ZNF621: variants seen among roughly 807,000 people sequenced by gnomAD.
The protein encoded by ZNF621 is zinc finger protein 621.
ZNF621 carries 6 observed loss-of-function variants against 12.7 expected under a neutral mutation model. The ratio of observed to expected loss-of-function variants is 0.47; its 90% CI spans 0.26 to 0.93. ZNF621 has a LOEUF of 0.93. ZNF621 is among the 40% of genes least tolerant of loss of function. ZNF621 has a pLI of 0.15. For missense variants in ZNF621, 474 were observed against 524.0 expected (o/e 0.90, Z 0.93); for synonymous variants, 156 against 190.3 (o/e 0.82, Z 1.48).
intron 2 of ZNF621, among the ~76,000 whole-genome samples, chr3:40,528,408 G>A (rs535462345): frequency 1.1e-4 from 17 of 152,134 alleles, no homozygotes; most frequent in Admixed American, 3.3e-4. Context: ...AGGACATCTC[G>A]GTTGCTTCCA....
At chr3:40,529,603 T>G (rs1559557521) in intron 3 of ZNF621, 158 bp downstream of exon 3, 1 of 1,520,312 alleles carries the variant, frequency 6.6e-7, no homozygotes, top group South Asian at 1.2e-5. Context: ...TCTCTTTGTT[T>G]TTTGTTTGTT....
At chr3:40,531,534 T>C (rs1397361888) in intron 4 of ZNF621, among the ~76,000 whole-genome samples, 1 of 152,176 alleles carries the variant, frequency 6.6e-6, no homozygotes, top group Non-Finnish European at 1.5e-5. Context: ...GTTCCATTTC[T>C]GTGTCTTTAC....
In ZNF621 at chr3:40,534,043, G is replaced by A. The variant is rs767565102; in HGVS notation, c.*953G>A. On this transcript the variant is annotated 3_prime_UTR_variant, in exon 5 of 5. Coordinates refer to ENST00000339296, the MANE Select transcript of ZNF621 (RefSeq NM_198484.5). ...AGATGTTTCTTTTAACTTTTATTTC[G>A]TAAGTAAATATACACAAAGGCATTC... 1 of 151,476 alleles carries A rather than the reference G, an allele frequency of 6.6e-6. No homozygotes were observed. Among genetic ancestry groups the A allele is most frequent in the Admixed American group, 6.6e-5 (1 of 15,150 alleles). The allele number at this position is 151,476 out of a possible 1,614,324, so 9.4% of individuals were successfully genotyped here.
At position 40,536,763 on chromosome 3, in the gene ZNF621, T is replaced by C. The variant is rs1159128535; in HGVS notation, c.*3673T>C. On this transcript the variant is annotated 3_prime_UTR_variant, in exon 5 of 5. Coordinates refer to ENST00000339296, the MANE Select transcript of ZNF621 (RefSeq NM_198484.5). Reference sequence around the variant, plus strand: ...TGCGGATATTGCATTTTTTACAAACTGAAGGTTTGTGGCAGGCCTGTGTTG... The same window carrying C: ...TGCGGATATTGCATTTTTTACAAACCGAAGGTTTGTGGCAGGCCTGTGTTG... 3 of 152,256 alleles carry C rather than the reference T, an allele frequency of 2.0e-5. No homozygotes were observed. Among genetic ancestry groups the C allele is most frequent in the Non-Finnish European group, 4.4e-5 (3 of 68,048 alleles). The allele number at this position is 152,256 out of a possible 1,614,324, so 9.4% of individuals were successfully genotyped here. A position where few individuals can be genotyped will look rare whatever the true frequency, so the allele number is the denominator to read the frequency against.
At chr3:40,524,595 G>A (rs1054882612), upstream of ZNF621, among the ~76,000 whole-genome samples, 5 of 152,216 alleles carry the variant, frequency 3.3e-5, no homozygotes. Flanking sequence ...CAAAGCAGGC[G>A]CCATTCTCCC....
At chr3:40,531,708 G>A (rs1698729463) in intron 4 of ZNF621, among the ~76,000 whole-genome samples, 1 of 152,026 alleles carries the variant, frequency 6.6e-6, no homozygotes, top group Admixed American at 6.6e-5. Context: ...GACCACAGGG[G>A]TGCGCCACCA....
At position 40,532,605 on chromosome 3, in the gene ZNF621, A is replaced by C. The variant is rs373080077; in HGVS notation, c.835A>C (p.Ile279Leu). Residue 279 changes from isoleucine to leucine, a missense_variant, in exon 5 of 5, where the codon ATT becomes CTT. Ile to Leu is a conservative substitution (Grantham distance 5). Transcript: ENST00000339296. The part of the protein sequence containing the change: ...WKAFGCRSLF[I>L]VHQRIHTGEK... ...AGCTTTCGGTTGTAGGTCACTTTTT[A>C]TTGTCCATCAGAGAATTCATACTGG... 1.3e-5 allele frequency: 21 copies of C among 1,613,978 alleles called. No individual in the cohort carries two copies. The African/African-American group carries it at 2.4e-4, about 18-fold the overall frequency.
chr3:40,539,615 T>C lies in ZNF621; in HGVS notation c.*6525T>C, dbSNP rs1246282419. On this transcript the variant is annotated 3_prime_UTR_variant, in exon 5 of 5. Transcript: ENST00000339296. ...GCAAACCTGCAATATCTCCAAGATA[T>C]GCCTGTATTTTTCAAAATGTGGTCT... 3.3e-5 allele frequency: 5 copies of C among 152,212 alleles called. No homozygotes were observed. The highest frequency in any genetic ancestry group is 7.3e-5 in the Non-Finnish European group (5 of 68,036). 9.4% of individuals were successfully genotyped at this position (152,212 alleles called of 1,614,324 possible). A position where few individuals can be genotyped will look rare whatever the true frequency, so the allele number is the denominator to read the frequency against.
chr3:40,524,466 G>A (rs1199358984), upstream of ZNF621, among the ~76,000 whole-genome samples: 3 of 152,194 alleles, frequency 2.0e-5, no homozygotes, highest in Non-Finnish European at 4.4e-5. Flanking sequence ...AAGGTTCTAC[G>A]CACATCTAGG....
Position 40,536,682 on chromosome 3 carries a change from A to G in ZNF621, c.*3592A>G, listed in dbSNP as rs1301115268. 6.6e-6 allele frequency: 1 copy of G among 152,174 alleles called. No individual in the cohort carries two copies. The highest frequency in any genetic ancestry group is 1.5e-5 in the Non-Finnish European group (1 of 68,038). 9.4% of individuals were successfully genotyped at this position (152,174 alleles called of 1,614,324 possible). Reference sequence around the variant, plus strand: ...TTTGTTTCTAAAATATAATGAATTAATGATTATCAAAGTACAGGCATACCT... The same window carrying G: ...TTTGTTTCTAAAATATAATGAATTAGTGATTATCAAAGTACAGGCATACCT... On this transcript the variant is annotated 3_prime_UTR_variant, in exon 5 of 5. Transcript: ENST00000339296.
At chr3:40,531,689 A>C (rs1020597591) in intron 4 of ZNF621, among the ~76,000 whole-genome samples, 1 of 152,068 alleles carries the variant, frequency 6.6e-6, no homozygotes. Context: ...CAGCCTCCCT[A>C]GTAGCTAGGA....
intron 4 of ZNF621, 36 bp downstream of exon 4, chr3:40,530,352 T>G: frequency 6.4e-7 from 1 of 1,567,444 alleles, no homozygotes; most frequent in Non-Finnish European, 8.8e-7. Flanking sequence ...GTTTCTTGTT[T>G]TGCCTTCCTG....
rs766337947 is a variant in ZNF621 at position 40,529,304 on chromosome 3, A to G, written c.25-15A>G. ...ACTTCTCACTCAGAGATTGAGCAGG[A>G]ACCTGTTGTTTCAGGAGTCAGTGAC... On this transcript the variant is annotated splice_polypyrimidine_tract_variant and intron_variant, in intron 2 of 4. Coordinates refer to ENST00000339296, the MANE Select transcript of ZNF621 (RefSeq NM_198484.5). 6.2e-7 allele frequency: 1 copy of G among 1,612,034 alleles called. No homozygotes were observed. Among genetic ancestry groups the G allele is most frequent in the Non-Finnish European group, 8.5e-7 (1 of 1,178,658 alleles).
At position 40,532,982 on chromosome 3, in the gene ZNF621, A is replaced by G. The variant is rs1196772302; in HGVS notation, c.1212A>G (p.Thr404=). The change falls in exon 5 of 5, where the codon ACA becomes ACG. Residue 404 remains threonine (T), a synonymous_variant. Coordinates refer to ENST00000339296, the MANE Select transcript of ZNF621 (RefSeq NM_198484.5). ...TSGNFFMLLP[T]SGIPSSSAQI... Reference sequence around the variant, plus strand: ...GGAATTTTTTCATGCTGCTGCCTACATCTGGAATACCTTCTTCATCTGCCC... The same window carrying G: ...GGAATTTTTTCATGCTGCTGCCTACGTCTGGAATACCTTCTTCATCTGCCC... 6.4e-7 allele frequency: 1 copy of G among 1,551,874 alleles called. No individual in the cohort carries two copies.
In ZNF621 at chr3:40,532,197, A is replaced by G. The variant is rs1430591235; in HGVS notation, c.427A>G (p.Ile143Val). The G allele has an allele frequency of 1.1e-5, 17 of 1,614,236 alleles. No homozygotes were observed. The highest frequency in any genetic ancestry group is 1.4e-5 in the Non-Finnish European group (16 of 1,180,050). Residue 143 changes from isoleucine to valine, a missense_variant, in exon 5 of 5, where the codon ATA becomes GTA. Ile to Val is a conservative substitution (Grantham distance 29). Transcript: ENST00000339296. The part of the protein sequence containing the change: ...KQTFNLNPNL[I>V]LRGGMKFYEC... Reference sequence around the variant, plus strand: ...GACTTTCAATCTAAATCCAAATCTGATACTTCGAGGTGGAATGAAGTTCTA... The same window carrying G: ...GACTTTCAATCTAAATCCAAATCTGGTACTTCGAGGTGGAATGAAGTTCTA...
intron 4 of ZNF621, 149 bp from the exon 5 acceptor site, chr3:40,531,881 G>T: frequency 1.3e-6 from 1 of 776,640 alleles, no homozygotes; most frequent in East Asian, 2.6e-5. Flanking sequence ...ATTTTTCTTT[G>T]TCTCTCTCAT....
At position 40,528,516 on chromosome 3, in the gene ZNF621, G is replaced by A. The variant is rs535056685; in HGVS notation, c.25-803G>A. 7.2e-5 allele frequency among the ~76,000 whole-genome samples: 11 copies of A among 152,324 alleles called. No individual in the cohort carries two copies. In the East Asian group the frequency reaches 2.1e-3, roughly 29 times the overall value. On this transcript the variant is annotated intron_variant, in intron 2 of 4. Coordinates refer to ENST00000339296, the MANE Select transcript of ZNF621 (RefSeq NM_198484.5). ...ACTCCTAAATTTAGTTAAGCACCAA[G>A]GAGCATGACTGCTGGGTTGTATGGT...
intron 3 of ZNF621, 69 bp downstream of exon 3, chr3:40,529,514 A>T (rs1467871731): frequency 1.9e-6 from 3 of 1,603,856 alleles, no homozygotes; most frequent in African/African-American, 2.7e-5. Flanking sequence ...GGATTCTAGT[A>T]GCCCTTGGGT....
chr3:40,532,968 A>G lies in ZNF621; in HGVS notation c.1198A>G (p.Met400Val), dbSNP rs1285025509. The change falls in exon 5 of 5, where the codon ATG (methionine) becomes GTG (valine). Residue 400 changes from methionine to valine, a missense_variant. Transcript: ENST00000339296. ...VLIPTSGNFF[M>V]LLPTSGIPSS... ...CATTCCTACCTCTGGGAATTTTTTC[A>G]TGCTGCTGCCTACATCTGGAATACC... 6.4e-7 allele frequency: 1 copy of G among 1,552,410 alleles called. No homozygotes were observed.
Sources: allele counts gnomAD v4.1 joint callset (sites outside exome capture counted in the v4.1 genomes callset), GRCh38; gene constraint gnomAD v4.1.1; transcripts MANE v1.5; gene names NCBI Gene and HGNC (gene_info 2026-07-23, HGNC 2026-07-21).